MYO7B: variants seen among roughly 807,000 people sequenced by gnomAD.
The protein encoded by MYO7B is unconventional myosin-VIIb.
MYO7B carries 212 observed loss-of-function variants against 259.7 expected under a neutral mutation model. The observed-to-expected ratio is 0.82, with a 90% confidence interval of 0.73 to 0.91. MYO7B has a LOEUF of 0.91. MYO7B is among the 40% of genes least tolerant of loss of function. The pLI is 0.00. For missense variants in MYO7B, 2,732 were observed against 2,813.5 expected (o/e 0.97, Z 0.66); for synonymous variants, 1,197 against 1,166.4 (o/e 1.03, Z -0.54).
intron 19 of MYO7B, among the ~76,000 whole-genome samples, chr2:127,605,557 A>G (rs1228600943): frequency 6.6e-6 from 1 of 152,220 alleles, no homozygotes; most frequent in African/African-American, 2.4e-5. Context: ...GATCCGTGCC[A>G]TTGCACTCCA....
intron 1 of MYO7B, among the ~76,000 whole-genome samples, chr2:127,544,736 A>G (rs939388988): frequency 6.6e-6 from 1 of 151,932 alleles, no homozygotes; most frequent in Non-Finnish European, 1.5e-5. Context: ...GCCTGCTACC[A>G]CGCCCAGCTA....
At position 127,623,336 on chromosome 2, in the gene MYO7B, C is replaced by A; in HGVS notation, c.3780C>A (p.Asp1260Glu). The A allele has an allele frequency of 6.2e-7, 1 of 1,608,902 alleles. No individual in the cohort carries two copies. Among genetic ancestry groups the A allele is most frequent in the Non-Finnish European group, 8.5e-7 (1 of 1,177,520 alleles). ...TCGCTCACAAGCAGGGCCTCAGCGA[C>A]CACCTGGGCTTCTCCCTCCAGGTCG... ...MHIAHKQGLSDHLGFSLQVAV... is the reference protein window; with the variant it reads ...MHIAHKQGLSEHLGFSLQVAV... The change falls in exon 29 of 48, where the codon GAC becomes GAA. Residue 1260 changes from aspartate to glutamate, a missense_variant. Coordinates refer to ENST00000409816, the MANE Select transcript of MYO7B (RefSeq NM_001393586.1).
At chr2:127,564,622 G>A (rs145842356) in intron 3 of MYO7B, among the ~76,000 whole-genome samples, 31 of 152,294 alleles carry the variant, frequency 2.0e-4, no homozygotes, top group African/African-American at 6.3e-4. Context: ...GGAGTGGCCC[G>A]GGAGTGACCA....
At chr2:127,591,526 C>T (rs773770562) in intron 16 of MYO7B, among the ~76,000 whole-genome samples, 2 of 152,216 alleles carry the variant, frequency 1.3e-5, no homozygotes, top group Non-Finnish European at 2.9e-5. Flanking sequence ...ATCACCCCCA[C>T]CAGGTAGGAA....
Position 127,627,155 on chromosome 2 carries a change from G to A in MYO7B, c.4334-29G>A, listed in dbSNP as rs778833072. 2 of 1,604,094 alleles carry A rather than the reference G, an allele frequency of 1.2e-6. No individual in the cohort carries two copies. Among genetic ancestry groups the A allele is most frequent in the Admixed American group, 1.7e-5 (1 of 58,434 alleles). ...GCTGGGCACCCAGGGGTCCCATGCA[G>A]CCTTCACACTGCCGTCTCTCCTGGC... On this transcript the variant is annotated intron_variant, in intron 32 of 47. Coordinates refer to ENST00000409816, the MANE Select transcript of MYO7B (RefSeq NM_001393586.1). This position sits in a 1 kb window ranked among gnomAD's most constrained non-coding sequence, Gnocchi z 5.6.
intron 8 of MYO7B, 73 bp from the exon 9 acceptor site, chr2:127,578,060 A>C: frequency 6.3e-7 from 1 of 1,578,378 alleles, no homozygotes. Context: ...GCAGTGTCTC[A>C]GCCTTGCTGG....
chr2:127,623,128 G>T (rs1345874403), intron 28 of MYO7B, 74 bp from the exon 29 acceptor site: 3 of 1,539,282 alleles, frequency 1.9e-6, no homozygotes, highest in Non-Finnish European at 2.7e-6. Context: ...AGAGGAGGGA[G>T]GTAGTGGATG....
rs778788324 is a variant in MYO7B at position 127,546,197 on chromosome 2, G to A, written c.-24+10366G>A. On this transcript the variant is annotated intron_variant, in intron 1 of 47. Transcript: ENST00000409816. This position sits in a 1 kb window ranked among gnomAD's most constrained non-coding sequence, Gnocchi z 4.2. ...GCAAAGCTTTGTCAGTGCCCCTTCC[G>A]GGCTGGTATCCCATAGGCCAGAGTC... 1.2e-4 allele frequency among the ~76,000 whole-genome samples: 18 copies of A among 152,200 alleles called. No homozygotes were observed. The highest frequency in any genetic ancestry group is 1.7e-4 in the African/African-American group (7 of 41,458).
chr2:127,556,666 C>T (rs370163196), intron 1 of MYO7B, among the ~76,000 whole-genome samples: 25 of 152,280 alleles, frequency 1.6e-4, no homozygotes, highest in African/African-American at 5.8e-4. Flanking sequence ...TTGCTGGATA[C>T]AAAATTCTTG....
intron 2 of MYO7B, among the ~76,000 whole-genome samples, chr2:127,561,325 C>G (rs1213333809): frequency 6.6e-6 from 1 of 151,720 alleles, no homozygotes; most frequent in African/African-American, 2.4e-5. Flanking sequence ...AGTGCGCAAT[C>G]TCGGCTCACT....
chr2:127,637,114 G>A (rs537838789), intron 47 of MYO7B: 21 of 1,025,342 alleles, frequency 2.0e-5, no homozygotes, highest in East Asian at 1.0e-4. Flanking sequence ...GACCCCCTGC[G>A]CCCTTGGCCC....
intron 35 of MYO7B, 126 bp downstream of exon 35, chr2:127,629,952 C>A: frequency 1.0e-6 from 1 of 1,000,914 alleles, no homozygotes; most frequent in Non-Finnish European, 1.3e-6. Context: ...AGGAGGGCCA[C>A]CCGGGCAGCC....
Position 127,564,049 on chromosome 2 carries a change from G to A in MYO7B, c.19-104G>A, listed in dbSNP as rs140364440. 1.6e-5 allele frequency: 12 copies of A among 750,856 alleles called. 1 individual carries two copies. In the Admixed American group the frequency reaches 3.5e-4, roughly 22 times the overall value. The allele number at this position is 750,856 out of a possible 1,614,324, so 46.5% of individuals were successfully genotyped here. A position where few individuals can be genotyped will look rare whatever the true frequency, so the allele number is the denominator to read the frequency against. On this transcript the variant is annotated intron_variant, in intron 2 of 47. Coordinates refer to ENST00000409816, the MANE Select transcript of MYO7B (RefSeq NM_001393586.1). ...AGGAGAGACAAGCTCCAGCCACCTT[G>A]GGAGCTCTGGGCTGGAAGGCATAGC...
chr2:127,612,714 C>G (rs532378668), intron 26 of MYO7B, 111 bp downstream of exon 26: 16 of 1,454,188 alleles, frequency 1.1e-5, no homozygotes, highest in Non-Finnish European at 1.4e-5. Context: ...CCTTGTCCTG[C>G]GGCCTGCAGG....
Position 127,637,690 on chromosome 2 carries a change from C to T in MYO7B, c.*273C>T. ...AGGACACCTCCCAACCCCACCCCAC[C>T]CCACCAGAATGTTCAATAAAAACTC... On this transcript the variant is annotated 3_prime_UTR_variant, in exon 48 of 48. Coordinates refer to ENST00000409816, the MANE Select transcript of MYO7B (RefSeq NM_001393586.1). The T allele has an allele frequency of 5.1e-6, 2 of 391,074 alleles. No homozygotes were observed. Among genetic ancestry groups the T allele is most frequent in the Admixed American group, 8.2e-5 (2 of 24,358 alleles). The allele number at this position is 391,074 out of a possible 1,614,324, so 24.2% of individuals were successfully genotyped here. A position where few individuals can be genotyped will look rare whatever the true frequency, so the allele number is the denominator to read the frequency against.
chr2:127,631,438 G>A, intron 37 of MYO7B, 75 bp downstream of exon 37: 1 of 1,561,176 alleles, frequency 6.4e-7, no homozygotes, highest in Middle Eastern at 1.8e-4. Flanking sequence ...TGGCCCTACA[G>A]CTGTGCTCTA....
At chr2:127,622,234 A>G in intron 28 of MYO7B, 133 bp downstream of exon 28, 1 of 1,257,512 alleles carries the variant, frequency 8.0e-7, no homozygotes, top group South Asian at 1.6e-5. Context: ...CCTCTGCAGT[A>G]CCTCCCATGC....
chr2:127,573,790 T>G, intron 6 of MYO7B, 130 bp from the exon 7 acceptor site: 1 of 1,217,810 alleles, frequency 8.2e-7, no homozygotes, highest in South Asian at 1.6e-5. Flanking sequence ...CGTCACTGTC[T>G]GGTGCAGCCG....
rs1163860817 is a variant in MYO7B at position 127,576,652 on chromosome 2, G to A, written c.793G>A (p.Glu265Lys). 6.2e-7 allele frequency: 1 copy of A among 1,612,646 alleles called. No homozygotes were observed. Among genetic ancestry groups the A allele is most frequent in the Non-Finnish European group, 8.5e-7 (1 of 1,179,090 alleles). Reference sequence around the variant, plus strand: ...CTGCATGCTCATGGGGGTGAGTGCTGAGGACAAGCAGCTGCTGAGCCTGGG... The same window carrying A: ...CTGCATGCTCATGGGGGTGAGTGCTAAGGACAAGCAGCTGCTGAGCCTGGG... ...FYCMLMGVSA[E>K]DKQLLSLGTP... Residue 265 changes from glutamate (E) to lysine (K), a missense_variant, in exon 8 of 48, where the codon GAG becomes AAG. Coordinates refer to ENST00000409816, the MANE Select transcript of MYO7B (RefSeq NM_001393586.1). This position sits in a 1 kb window ranked among gnomAD's most constrained non-coding sequence, Gnocchi z 4.9.
Sources: allele counts gnomAD v4.1 joint callset (sites outside exome capture counted in the v4.1 genomes callset), GRCh38; gene constraint gnomAD v4.1.1; non-coding constraint Gnocchi (gnomAD v3.1); transcripts MANE v1.5; gene names NCBI Gene and HGNC (gene_info 2026-07-23, HGNC 2026-07-21).